The following LRRC4C variants were observed in gnomAD, a reference collection of about 807,000 sequenced individuals.
The protein encoded by LRRC4C is leucine rich repeat containing 4C, also known as leucine-rich repeat-containing protein 4C.
A neutral mutation model predicts 33.6 loss-of-function variants in LRRC4C; 5 were observed. That is an observed-to-expected ratio of 0.15 (90% CI 0.08 to 0.31). The LOEUF (loss-of-function observed/expected upper bound fraction) is 0.31, where lower values mean the gene tolerates loss of function less well. Among genes scored for constraint, LRRC4C ranks in the 10% least tolerant of loss-of-function variants. The pLI, the probability that LRRC4C is intolerant of heterozygous loss-of-function variation, is 1.00. For missense variants in LRRC4C, 560 were observed against 796.7 expected (o/e 0.70, Z 3.58); for synonymous variants, 329 against 302.0 (o/e 1.09, Z -0.93).
chr11:41,407,816 G>A (rs1298267496), intron 1 of LRRC4C, among the ~76,000 whole-genome samples: 4 of 152,142 alleles, frequency 2.6e-5, no homozygotes, highest in Non-Finnish European at 4.4e-5. Context: ...GTAGGTGTAA[G>A]AAAGATGGTG....
chr11:41,052,938 A>G (rs1858347299), intron 1 of LRRC4C, among the ~76,000 whole-genome samples: 1 of 152,162 alleles, frequency 6.6e-6, no homozygotes, highest in Non-Finnish European at 1.5e-5. Context: ...AAATTTTACT[A>G]GTCCATTAAA....
chr11:41,324,131 A>C (rs1951036954), intron 1 of LRRC4C, among the ~76,000 whole-genome samples: 1 of 152,166 alleles, frequency 6.6e-6, no homozygotes, highest in Non-Finnish European at 1.5e-5. Context: ...CTAATGTTAA[A>C]AATATTATTT....
At chr11:41,446,346 T>C (rs1389219210) in intron 1 of LRRC4C, among the ~76,000 whole-genome samples, 1 of 152,214 alleles carries the variant, frequency 6.6e-6, no homozygotes, top group East Asian at 1.9e-4. Context: ...TATGCATATC[T>C]AACCATCCTC....
intron 1 of LRRC4C, among the ~76,000 whole-genome samples, chr11:41,159,136 A>T (rs1336578329): frequency 6.6e-6 from 1 of 151,914 alleles, no homozygotes; most frequent in Non-Finnish European, 1.5e-5. Flanking sequence ...AATAATTTAG[A>T]AAAACTAGCC....
intron 3 of LRRC4C, among the ~76,000 whole-genome samples, chr11:40,597,815 C>T (rs1260259135): frequency 6.6e-6 from 1 of 152,092 alleles, no homozygotes; most frequent in Non-Finnish European, 1.5e-5. Flanking sequence ...TATAATAATA[C>T]AGTAACGAAA....
intron 2 of LRRC4C, among the ~76,000 whole-genome samples, chr11:40,919,530 C>T (rs895666929): frequency 2.0e-5 from 3 of 152,056 alleles, no homozygotes; most frequent in Non-Finnish European, 4.4e-5. Flanking sequence ...TCTTTCTAAC[C>T]CATCATTTGG....
At chr11:40,530,083 C>T (rs16934904) in intron 3 of LRRC4C, among the ~76,000 whole-genome samples, 13,375 of 152,028 alleles carry the variant, frequency 0.088, 1,670 homozygotes, top group African/African-American at 0.28. Context: ...GAGAGCAATT[C>T]AAGACTGTGG....
chr11:40,134,149 T>C (rs1406793145), intron 6 of LRRC4C, among the ~76,000 whole-genome samples: 1 of 151,970 alleles, frequency 6.6e-6, no homozygotes, highest in Admixed American at 6.5e-5. Flanking sequence ...CCCAGCTACT[T>C]GGGAGGCTGA....
At chr11:40,161,758 G>A (rs778559573) in intron 5 of LRRC4C, among the ~76,000 whole-genome samples, 16 of 151,984 alleles carry the variant, frequency 1.1e-4, no homozygotes, top group South Asian at 2.1e-4. Context: ...CTCCTTCTCC[G>A]AAAAAAATTA....
At chr11:41,287,804 G>A (rs1949876293) in intron 1 of LRRC4C, among the ~76,000 whole-genome samples, 1 of 152,138 alleles carries the variant, frequency 6.6e-6, no homozygotes, top group Admixed American at 6.6e-5. Context: ...GCCCACATAA[G>A]TAAATCTCCC....
chr11:41,074,769 C>T (rs1260877169), intron 1 of LRRC4C, among the ~76,000 whole-genome samples: 1 of 152,124 alleles, frequency 6.6e-6, no homozygotes, highest in Non-Finnish European at 1.5e-5. Context: ...TCTGCTTGTC[C>T]ATTAGCAATG....
chr11:40,936,337 T>G (rs1015190903), intron 1 of LRRC4C, among the ~76,000 whole-genome samples: 2 of 97,394 alleles, frequency 2.1e-5, no homozygotes, highest in African/African-American at 5.5e-5. Context: ...CTAACACTTG[T>G]TTTTTTTTTT....
chr11:40,767,273 A>G (rs535591838), intron 2 of LRRC4C, among the ~76,000 whole-genome samples: 21 of 152,282 alleles, frequency 1.4e-4, no homozygotes, highest in African/African-American at 5.1e-4. Context: ...GCAAAATAGT[A>G]TAACAATTTT....
rs1014982696 is a variant in LRRC4C at position 40,343,726 on chromosome 11, AGAG to A, written c.-269-24008_-269-24006del. Among the ~76,000 whole-genome samples the A allele has an allele frequency of 4.8e-5, 7 of 146,716 alleles. No individual in the cohort carries two copies. In the East Asian group the frequency reaches 5.9e-4, roughly 12 times the overall value. ...TTGTTTTTTTGAAAAAAAAAAAAAA[AGAG>A]AGAGACAGAGATAGACTGTTAGCTA... On this transcript the variant is annotated intron_variant, in intron 3 of 6. Coordinates refer to ENST00000528697, the MANE Select transcript of LRRC4C (RefSeq NM_001258419.2).
chr11:40,922,143 A>C (rs1264018560), intron 2 of LRRC4C, among the ~76,000 whole-genome samples: 1 of 152,026 alleles, frequency 6.6e-6, no homozygotes, highest in Non-Finnish European at 1.5e-5. Context: ...AGAACATACT[A>C]ACTTCTCATA....
intron 2 of LRRC4C, among the ~76,000 whole-genome samples, chr11:40,733,180 A>G (rs1395192722): frequency 7.6e-6 from 1 of 131,792 alleles, no homozygotes; most frequent in Non-Finnish European, 1.5e-5. Flanking sequence ...GGTTCACGCT[A>G]TTCTCCTGCC....
At chr11:41,443,914 C>T (rs1033294473) in intron 1 of LRRC4C, among the ~76,000 whole-genome samples, 4 of 151,894 alleles carry the variant, frequency 2.6e-5, no homozygotes, top group East Asian at 1.9e-4. Flanking sequence ...CGAGCCACTG[C>T]GCCCAGCCGG....
chr11:41,400,850 A>T (rs1281764651), intron 1 of LRRC4C, among the ~76,000 whole-genome samples: 1 of 151,884 alleles, frequency 6.6e-6, no homozygotes, highest in Admixed American at 6.6e-5. Flanking sequence ...GTTTAATGAC[A>T]CTTGAAAAAG....
At chr11:40,870,081 G>A (rs1591948210) in intron 2 of LRRC4C, among the ~76,000 whole-genome samples, 1 of 152,186 alleles carries the variant, frequency 6.6e-6, no homozygotes, top group South Asian at 2.1e-4. Flanking sequence ...TAAAAAGCAA[G>A]ACAAGGTTAA....
Sources: gnomAD v4.1 joint callset for allele counts (sites outside exome capture counted in the v4.1 genomes callset) on GRCh38, gnomAD v4.1.1 for gene constraint, MANE v1.5 for transcripts, NCBI Gene and HGNC (gene_info 2026-07-23, HGNC 2026-07-21) for gene names.